KIF26B: variants seen among roughly 807,000 people sequenced by gnomAD.
The protein encoded by KIF26B is kinesin-like protein KIF26B.
A neutral mutation model predicts 151.2 loss-of-function variants in KIF26B; 63 were observed. The observed-to-expected ratio is 0.42, with a 90% CI of 0.34 to 0.51. The LOEUF (loss-of-function observed/expected upper bound fraction) is 0.51. Among genes scored for constraint, KIF26B ranks in the 20% least tolerant of loss-of-function variants. The pLI is 0.07. For missense variants in KIF26B, 2,813 were observed against 2,913.6 expected (o/e 0.97, Z 0.79); for synonymous variants, 1,357 against 1,262.1 (o/e 1.08, Z -1.59).
intron 2 of KIF26B, among the ~76,000 whole-genome samples, chr1:245,205,503 C>T (rs1331683830): frequency 2.6e-5 from 4 of 152,044 alleles, no homozygotes; most frequent in African/African-American, 7.2e-5. Flanking sequence ...CACTAATTAC[C>T]ATAAGAAAGA....
At chr1:245,299,388 A>G (rs906133342) in intron 2 of KIF26B, among the ~76,000 whole-genome samples, 3 of 146,846 alleles carry the variant, frequency 2.0e-5, no homozygotes, top group African/African-American at 7.7e-5. Flanking sequence ...GATAAAGGAT[A>G]ATTTCTGATG....
At chr1:245,387,295 G>C (rs904704156) in intron 3 of KIF26B, among the ~76,000 whole-genome samples, 1 of 151,824 alleles carries the variant, frequency 6.6e-6, no homozygotes, top group African/African-American at 2.4e-5. Flanking sequence ...CTCCCGAGTA[G>C]CTGGGACTAC....
chr1:245,266,793 C>T (rs1330970002), intron 2 of KIF26B, among the ~76,000 whole-genome samples: 1 of 152,240 alleles, frequency 6.6e-6, no homozygotes, highest in Non-Finnish European at 1.5e-5. Flanking sequence ...ATGTGAGCCA[C>T]TGTGCCTGGC....
At chr1:245,324,482 G>T (rs978568031) in intron 2 of KIF26B, among the ~76,000 whole-genome samples, 1 of 152,168 alleles carries the variant, frequency 6.6e-6, no homozygotes, top group African/African-American at 2.4e-5. Flanking sequence ...AGAGGCTCGG[G>T]AATCTCTGCA....
chr1:245,458,176 G>T (rs1659579754), intron 4 of KIF26B, among the ~76,000 whole-genome samples: 1 of 152,098 alleles, frequency 6.6e-6, no homozygotes, highest in Non-Finnish European at 1.5e-5. Context: ...CTTGGCCAAG[G>T]TCTTATAGCA....
chr1:245,229,601 A>G (rs748589533), intron 2 of KIF26B, among the ~76,000 whole-genome samples: 8 of 152,096 alleles, frequency 5.3e-5, no homozygotes, highest in Non-Finnish European at 1.0e-4. Flanking sequence ...TCTGATGTAT[A>G]CTCACTGTGT....
chr1:245,236,793 C>T (rs1245635746), intron 2 of KIF26B, among the ~76,000 whole-genome samples: 5 of 152,136 alleles, frequency 3.3e-5, no homozygotes, highest in South Asian at 2.1e-4. Context: ...CCGTGAGCCC[C>T]GTGGGGGCTG....
At chr1:245,303,111 C>T (rs1573762794) in intron 2 of KIF26B, among the ~76,000 whole-genome samples, 1 of 151,260 alleles carries the variant, frequency 6.6e-6, no homozygotes, top group Admixed American at 6.6e-5. Context: ...AACACATCCA[C>T]TGACCTTAAA....
rs2043988756 is a variant in KIF26B at position 245,649,331 on chromosome 1, C to T, written c.2258+3051C>T. ...GATCAAACTGCCTCGCTCCTCACAG[C>T]TTCAGAGGCCTCGACAGTTCCCAGC... On this transcript the variant is annotated intron_variant, in intron 10 of 14. Transcript: ENST00000407071. 5.3e-5 allele frequency among the ~76,000 whole-genome samples: 8 copies of T among 152,200 alleles called. No individual in the cohort carries two copies. In the South Asian group the frequency reaches 1.7e-3, roughly 31 times the overall value.
chr1:245,253,783 T>C (rs1319117773), intron 2 of KIF26B, among the ~76,000 whole-genome samples: 1 of 149,676 alleles, frequency 6.7e-6, no homozygotes, highest in Non-Finnish European at 1.5e-5. Context: ...TTCCTGTCTA[T>C]AGACTTTGAA....
At chr1:245,662,674 GATACAT>G (rs757758235) in intron 10 of KIF26B, among the ~76,000 whole-genome samples, 45,009 of 84,132 alleles carry the variant, frequency 0.53, 12,678 homozygotes, top group East Asian at 0.71. Context: ...TATACCCAAT[GATACAT>G]ATATATACAA....
intron 2 of KIF26B, among the ~76,000 whole-genome samples, chr1:245,326,916 CCTT>C (rs1450021648): frequency 1.3e-5 from 2 of 152,202 alleles, no homozygotes; most frequent in Non-Finnish European, 2.9e-5. Context: ...TAGTGGGAAC[CCTT>C]CTTCTTGCCT....
chr1:245,604,426 T>C (rs1422692058), intron 6 of KIF26B, among the ~76,000 whole-genome samples: 1 of 152,200 alleles, frequency 6.6e-6, no homozygotes, highest in African/African-American at 2.4e-5. Flanking sequence ...CCAAAGAGTT[T>C]TACCCAAGAA....
At chr1:245,461,974 G>T (rs1659658646) in intron 4 of KIF26B, among the ~76,000 whole-genome samples, 2 of 151,862 alleles carry the variant, frequency 1.3e-5, no homozygotes, top group Admixed American at 1.3e-4. Context: ...AGGAGAAGGA[G>T]AAATTAAAAT....
rs537769669 is a variant in KIF26B, at chr1:245,333,998, CA to C, written c.466-32823del. Among the ~76,000 whole-genome samples the C allele has an allele frequency of 3.7e-3, 513 of 137,852 alleles. 2 individuals are homozygous for C. The highest frequency in any genetic ancestry group is 8.5e-3 in the African/African-American group (319 of 37,492). The allele number at this position is 137,852 out of a possible 152,430, so 90.4% of individuals were successfully genotyped here. A position where few individuals can be genotyped will look rare whatever the true frequency, so the allele number is the denominator to read the frequency against. ...TGGGCGACGGAGTGAGACTCCGTGT[CA>C]AAAAAAAAAAAATCTCCTCTACGAG... is the stretch of plus-strand genomic sequence containing the variant. On this transcript the variant is annotated intron_variant, in intron 2 of 14. Coordinates refer to ENST00000407071, the MANE Select transcript of KIF26B (RefSeq NM_018012.4).
In KIF26B at chr1:245,706,258, T is replaced by C. The variant is rs1349843395; in HGVS notation, c.*3652T>C. ...AGTCTCACGCTTGCTGCTCAGACTT[T>C]CTGATAAAATCTCAGAGTTCTGTTT... On this transcript the variant is annotated 3_prime_UTR_variant, in exon 15 of 15. Coordinates refer to ENST00000407071, the MANE Select transcript of KIF26B (RefSeq NM_018012.4). 6.6e-6 allele frequency: 1 copy of C among 152,236 alleles called. No homozygotes were observed. The highest frequency in any genetic ancestry group is 1.5e-5 in the Non-Finnish European group (1 of 68,034). 9.4% of individuals were successfully genotyped at this position (152,236 alleles called of 1,614,324 possible). A position where few individuals can be genotyped will look rare whatever the true frequency, so the allele number is the denominator to read the frequency against.
At chr1:245,684,576 C>A (rs1376789204) in intron 11 of KIF26B, among the ~76,000 whole-genome samples, 181 bp downstream of exon 11, 1 of 152,192 alleles carries the variant, frequency 6.6e-6, no homozygotes, top group Non-Finnish European at 1.5e-5. Context: ...GGGGCTGATA[C>A]AAAGTCATGT....
chr1:245,647,758 C>T (rs1480570148), intron 10 of KIF26B, among the ~76,000 whole-genome samples: 1 of 152,138 alleles, frequency 6.6e-6, no homozygotes, highest in Non-Finnish European at 1.5e-5. Context: ...GCCAGACCCC[C>T]CCACCAAATA....
At chr1:245,217,255 C>T (rs767351815) in intron 2 of KIF26B, among the ~76,000 whole-genome samples, 1 of 152,080 alleles carries the variant, frequency 6.6e-6, no homozygotes, top group Non-Finnish European at 1.5e-5. Flanking sequence ...AAACAGGAAA[C>T]GCCGTATTGA....
Sources: gnomAD v4.1 joint callset for allele counts (sites outside exome capture counted in the v4.1 genomes callset) on GRCh38, gnomAD v4.1.1 for gene constraint, MANE v1.5 for transcripts, NCBI Gene and HGNC (gene_info 2026-07-23, HGNC 2026-07-21) for gene names.